The following AGBL1 variants were observed in gnomAD, a reference collection of about 807,000 sequenced individuals.
The protein encoded by AGBL1 is AGBL carboxypeptidase 1, also known as cytosolic carboxypeptidase 4.
A neutral mutation model predicts 118.9 loss-of-function variants in AGBL1; 130 were observed. That is an observed-to-expected ratio of 1.09 (90% CI 0.95 to 1.26). The LOEUF (loss-of-function observed/expected upper bound fraction) is 1.26. Ranked by LOEUF, AGBL1 falls within the 50% of genes most tolerant of loss-of-function variation. The pLI is 0.00. For missense variants in AGBL1, 1,584 were observed against 1,298.1 expected (o/e 1.22, Z -3.38); for synonymous variants, 555 against 478.9 (o/e 1.16, Z -2.08).
chr15:86,731,778 G>A (rs1466494157), intron 22 of AGBL1, among the ~76,000 whole-genome samples: 1 of 152,222 alleles, frequency 6.6e-6, no homozygotes, highest in Non-Finnish European at 1.5e-5. Context: ...ATGTCTTGAA[G>A]TAAAGCTTGC....
At chr15:86,872,112 T>C (rs1340596321) in intron 22 of AGBL1, among the ~76,000 whole-genome samples, 2 of 152,216 alleles carry the variant, frequency 1.3e-5, no homozygotes, top group Non-Finnish European at 2.9e-5. Flanking sequence ...CAGATTCCAA[T>C]GCAGTTGTGC....
chr15:86,878,611 CT>C (rs1356634049), intron 22 of AGBL1, among the ~76,000 whole-genome samples: 1 of 151,988 alleles, frequency 6.6e-6, no homozygotes, highest in African/African-American at 2.4e-5. Context: ...TTCTGTTTTT[CT>C]TGTAAAGCAC....
At chr15:86,680,914 C>T (rs975010085) in intron 22 of AGBL1, among the ~76,000 whole-genome samples, 6 of 151,958 alleles carry the variant, frequency 3.9e-5, no homozygotes, top group African/African-American at 1.5e-4. Context: ...TCTCTGTGTT[C>T]CCTAAAACAA....
At chr15:86,496,151 T>C (rs2082852879) in intron 18 of AGBL1, among the ~76,000 whole-genome samples, 1 of 152,054 alleles carries the variant, frequency 6.6e-6, no homozygotes, top group South Asian at 2.1e-4. Context: ...GTTTCCCCCA[T>C]GCTGGTCTCA....
chr15:86,910,590 T>G lies in AGBL1; in HGVS notation c.*3296T>G, dbSNP rs963268782. The G allele has an allele frequency of 5.3e-5, 8 of 152,216 alleles. No homozygotes were observed. 9.4% of individuals were successfully genotyped at this position (152,216 alleles called of 1,614,324 possible). On this transcript the variant is annotated 3_prime_UTR_variant, in exon 23 of 23. Coordinates refer to ENST00000614907, the MANE Select transcript of AGBL1 (RefSeq NM_001386094.1). ...AGGAGTGCCCCAGGTGTGATACTAC[T>G]ATATTTGAAGAGCAGAACGTTTGCA... is the stretch of plus-strand genomic sequence containing the variant.
At chr15:86,699,185 T>C (rs764230630) in intron 22 of AGBL1, among the ~76,000 whole-genome samples, 7 of 152,040 alleles carry the variant, frequency 4.6e-5, no homozygotes, top group Non-Finnish European at 8.8e-5. Flanking sequence ...TATATCTTCA[T>C]TGAGATTTGT....
chr15:86,425,163 G>T (rs2081851308), intron 18 of AGBL1, among the ~76,000 whole-genome samples: 1 of 152,124 alleles, frequency 6.6e-6, no homozygotes, highest in African/African-American at 2.4e-5. Flanking sequence ...GTGATAGGCT[G>T]GATAAAGAAA....
intron 3 of AGBL1, among the ~76,000 whole-genome samples, chr15:86,144,842 T>C (rs2077011506): frequency 6.6e-6 from 1 of 152,174 alleles, no homozygotes; most frequent in South Asian, 2.1e-4. Context: ...AAGTCTATAA[T>C]ATAAGTGTCC....
chr15:86,863,037 G>T (rs1468800999), intron 22 of AGBL1, among the ~76,000 whole-genome samples: 2 of 152,290 alleles, frequency 1.3e-5, no homozygotes, highest in Middle Eastern at 3.4e-3. Context: ...GTCCAGGGAA[G>T]CACGTGCTAC....
chr15:86,144,421 C>G (rs534635450), intron 3 of AGBL1, among the ~76,000 whole-genome samples: 4 of 152,170 alleles, frequency 2.6e-5, no homozygotes, highest in African/African-American at 9.7e-5. Flanking sequence ...TCAACCTAAA[C>G]GCCCATCTAG....
chr15:86,608,836 A>G (rs2084619824), intron 21 of AGBL1, among the ~76,000 whole-genome samples: 1 of 152,170 alleles, frequency 6.6e-6, no homozygotes, highest in Admixed American at 6.6e-5. Context: ...GTTGGCAATG[A>G]GTTTGGACCC....
intron 6 of AGBL1, among the ~76,000 whole-genome samples, chr15:86,231,814 TAGCCTAAAGAAG>T (rs1395819037): frequency 4.6e-5 from 7 of 152,220 alleles, no homozygotes; most frequent in African/African-American, 1.7e-4. Context: ...TAGGTTTATT[TAGCCTAAAGAAG>T]ATATGACTGG....
At chr15:86,276,736 A>G (rs1597666513) in intron 15 of AGBL1, among the ~76,000 whole-genome samples, 1 of 152,304 alleles carries the variant, frequency 6.6e-6, no homozygotes, top group South Asian at 2.1e-4. Flanking sequence ...AGGGCTTTCC[A>G]TACAAAGCAA....
intron 22 of AGBL1, among the ~76,000 whole-genome samples, chr15:86,705,010 T>C (rs999858419): frequency 1.3e-5 from 2 of 152,142 alleles, no homozygotes; most frequent in Non-Finnish European, 2.9e-5. Context: ...GAAACCATCA[T>C]TCTCAGCAAA....
intron 22 of AGBL1, among the ~76,000 whole-genome samples, chr15:86,773,243 A>G (rs2078207030): frequency 1.3e-5 from 2 of 152,150 alleles, no homozygotes; most frequent in Admixed American, 1.3e-4. Flanking sequence ...CAAAAAGAAT[A>G]TTTGAATTCA....
chr15:86,666,984 A>G (rs968640602), intron 21 of AGBL1, among the ~76,000 whole-genome samples: 7 of 152,090 alleles, frequency 4.6e-5, no homozygotes, highest in Non-Finnish European at 1.5e-5. Context: ...CTCATATGAG[A>G]TGACTTGTAT....
chr15:86,874,504 A>T (rs1412439112), intron 22 of AGBL1, among the ~76,000 whole-genome samples: 1 of 151,798 alleles, frequency 6.6e-6, no homozygotes, highest in Non-Finnish European at 1.5e-5. Flanking sequence ...GCTCCCTTCT[A>T]GTTTGAGCAA....
At chr15:86,258,173 G>A in intron 9 of AGBL1, 142 bp downstream of exon 9, 2 of 748,256 alleles carry the variant, frequency 2.7e-6, no homozygotes, top group Non-Finnish European at 2.2e-6. Flanking sequence ...GTGATGCGCA[G>A]TAAATGATAG....
chr15:86,176,052 G>T (rs141339541), intron 5 of AGBL1, among the ~76,000 whole-genome samples: 2 of 152,292 alleles, frequency 1.3e-5, no homozygotes, highest in Non-Finnish European at 2.9e-5. Context: ...TTTCTGTCTA[G>T]ATTATCTGTC....
Sources: gnomAD v4.1 joint callset for allele counts (sites outside exome capture counted in the v4.1 genomes callset) on GRCh38, gnomAD v4.1.1 for gene constraint, MANE v1.5 for transcripts, NCBI Gene and HGNC (gene_info 2026-07-23, HGNC 2026-07-21) for gene names.